DERL2: variants seen among roughly 807,000 people sequenced by gnomAD.
The protein encoded by DERL2 is derlin-2.
In DERL2, 13 loss-of-function variants were observed where a neutral mutation model predicts 32.0. That is an observed-to-expected ratio of 0.41 (90% CI 0.26 to 0.65). The LOEUF is 0.65. Among genes scored for constraint, DERL2 ranks in the 30% least tolerant of loss-of-function variants. DERL2 has a pLI of 0.35. For missense variants in DERL2, 208 were observed against 296.3 expected, an observed-to-expected ratio of 0.70 and a Z score of 2.19; for synonymous variants, 111 against 104.7, an observed-to-expected ratio of 1.06 and a Z score of -0.37.
chr17:5,480,778 C>T (rs201496202), intron 4 of DERL2, 196 bp from the exon 5 acceptor site: 9 of 470,062 alleles, frequency 1.9e-5, no homozygotes, highest in South Asian at 5.9e-5. Context: ...GCTAAATTAT[C>T]GAGATTTACA....
intron 6 of DERL2, among the ~76,000 whole-genome samples, chr17:5,476,584 C>T (rs1008462300): frequency 4.6e-5 from 7 of 152,062 alleles, no homozygotes; most frequent in African/African-American, 1.7e-4. Flanking sequence ...GAGTTCAAGA[C>T]CAGCCTGACC....
At chr17:5,484,169 GCA>G (rs1328688241) in intron 2 of DERL2, among the ~76,000 whole-genome samples, 1 of 152,210 alleles carries the variant, frequency 6.6e-6, no homozygotes, top group Non-Finnish European at 1.5e-5. Flanking sequence ...ATGTGTAGAG[GCA>G]CAGTTATTGG....
intron 5 of DERL2, 87 bp downstream of exon 5, chr17:5,480,300 T>G: frequency 7.2e-7 from 1 of 1,392,430 alleles, no homozygotes; most frequent in South Asian, 1.3e-5. Flanking sequence ...AGGTAATACG[T>G]GAAGGCCAAA....
At chr17:5,479,850 T>C (rs1181578847) in intron 6 of DERL2, among the ~76,000 whole-genome samples, 1 of 152,200 alleles carries the variant, frequency 6.6e-6, no homozygotes, top group African/African-American at 2.4e-5. Context: ...CTTGAGCCTG[T>C]TGACGTTGGT....
intron 6 of DERL2, among the ~76,000 whole-genome samples, chr17:5,477,542 A>G (rs1321044679): frequency 6.6e-6 from 1 of 152,234 alleles, no homozygotes; most frequent in Non-Finnish European, 1.5e-5. Context: ...CAAGGAATTA[A>G]GTATACATAT....
At position 5,481,508 on chromosome 17, in the gene DERL2, G is replaced by A. The variant is rs1054392840; in HGVS notation, c.234-119C>T. 4.2e-6 allele frequency: 3 copies of A among 709,564 alleles called. No homozygotes were observed. The highest frequency in any genetic ancestry group is 7.2e-6 in the Non-Finnish European group (3 of 416,752). The allele number at this position is 709,564 out of a possible 1,614,324, so 44.0% of individuals were successfully genotyped here. Reference sequence around the variant, plus strand: ...TTTGTAATTAGTCAAGTCTTCATTTGTATAAGAATGTTTGAGTGGTAATGT... The same window carrying A: ...TTTGTAATTAGTCAAGTCTTCATTTATATAAGAATGTTTGAGTGGTAATGT... On this transcript the variant is annotated intron_variant, in intron 3 of 6. Transcript: ENST00000158771. This position sits in a 1 kb window ranked among gnomAD's most constrained non-coding sequence, Gnocchi z 4.4.
chr17:5,483,277 T>C (rs1239801099), intron 2 of DERL2, among the ~76,000 whole-genome samples: 1 of 151,528 alleles, frequency 6.6e-6, no homozygotes. Context: ...TATAAATTGC[T>C]GAGAAATGTT....
intron 6 of DERL2, among the ~76,000 whole-genome samples, chr17:5,479,496 TAAAAAAAAAAAAA>T (rs11306765): frequency 1.2e-3 from 80 of 69,424 alleles, no homozygotes; most frequent in Middle Eastern, 9.6e-3. Flanking sequence ...AGACTCCATG[TAAAAAAAAAAAAA>T]AAAAAAAAAA....
In DERL2 at chr17:5,481,815, A is replaced by G. The variant is rs1905806150; in HGVS notation, c.234-426T>C. On this transcript the variant is annotated intron_variant, in intron 3 of 6. Coordinates refer to ENST00000158771, the MANE Select transcript of DERL2 (RefSeq NM_016041.5). The surrounding 1 kb of genome is among the most constrained non-coding windows in gnomAD (Gnocchi z 4.4). The stretch of plus-strand genomic sequence containing the variant: ...CAGTTGTGTGCCACCATGCCAGGCT[A>G]TTTTTTGTATTTTTAGTAGAGAGCA... Among the ~76,000 whole-genome samples, 1 of 146,368 alleles carries G rather than the reference A, an allele frequency of 6.8e-6. No homozygotes were observed. Among genetic ancestry groups the G allele is most frequent in the Non-Finnish European group, 1.6e-5 (1 of 64,328 alleles).
chr17:5,484,830 C>G (rs1008535500), intron 2 of DERL2, among the ~76,000 whole-genome samples: 1 of 152,210 alleles, frequency 6.6e-6, no homozygotes, highest in South Asian at 2.1e-4. Context: ...TAAGTCTAAA[C>G]CAGTGATTTC....
At chr17:5,483,386 G>T (rs1221458175) in intron 2 of DERL2, among the ~76,000 whole-genome samples, 1 of 148,354 alleles carries the variant, frequency 6.7e-6, no homozygotes, top group East Asian at 2.0e-4. Flanking sequence ...TCACTATGTT[G>T]TCCAGGCTGA....
chr17:5,480,209 C>A (rs1306948265), intron 5 of DERL2, 65 bp from the exon 6 acceptor site: 15 of 1,266,364 alleles, frequency 1.2e-5, no homozygotes, highest in South Asian at 4.0e-5. Flanking sequence ...GTAGACCTAC[C>A]AACACAAATT....
At chr17:5,475,345 C>T (rs1019816450) in intron 6 of DERL2, among the ~76,000 whole-genome samples, 5 of 151,652 alleles carry the variant, frequency 3.3e-5, no homozygotes, top group Admixed American at 1.3e-4. Flanking sequence ...CTGCAACCTC[C>T]GCCTCCCGGA....
Position 5,486,131 on chromosome 17 carries a change from G to T in DERL2, c.31C>A (p.Leu11Met). Residue 11 changes from leucine (L) to methionine (M), a missense_variant, in exon 1 of 7, where the codon CTG becomes ATG. Leu to Met is a conservative substitution (Grantham distance 15). Around this residue, in one of 3 missense-constraint regions of DERL2, gnomAD observed 44 missense variants for 42.3 expected, o/e 1.04. Coordinates refer to ENST00000158771, the MANE Select transcript of DERL2 (RefSeq NM_016041.5). ...GCGCGGCTGACCGGTGGGATCTGCA[G>T]GTACTCCAGCCGCAAGCTCTGGTAC... is the stretch of plus-strand genomic sequence containing the variant. MAYQSLRLEY[L>M]QIPPVSRAYT... The T allele has an allele frequency of 6.2e-7, 1 of 1,610,340 alleles. No individual in the cohort carries two copies. The highest frequency in any genetic ancestry group is 8.5e-7 in the Non-Finnish European group (1 of 1,178,514).
At chr17:5,480,893 C>CT (rs1189588533) in intron 4 of DERL2, 3 of 480,300 alleles carry the variant, frequency 6.2e-6, no homozygotes, top group Non-Finnish European at 1.1e-5. Context: ...CGATTAGCAC[C>CT]TTTACAGAGA....
chr17:5,478,862 C>G (rs943500156), intron 6 of DERL2, among the ~76,000 whole-genome samples: 1 of 152,224 alleles, frequency 6.6e-6, no homozygotes, highest in Non-Finnish European at 1.5e-5. Flanking sequence ...CTCTGTCCCC[C>G]AGCCCGAAGT....
chr17:5,480,342 C>T (rs773118210), intron 5 of DERL2, 45 bp downstream of exon 5: 2 of 1,554,210 alleles, frequency 1.3e-6, no homozygotes, highest in Non-Finnish European at 1.7e-6. Context: ...TAACAAAATA[C>T]TTTTACAGGT....
intron 1 of DERL2, 147 bp from the exon 2 acceptor site, chr17:5,485,363 G>C (rs905485310): frequency 6.1e-5 from 33 of 541,500 alleles, no homozygotes; most frequent in South Asian, 1.4e-4. Flanking sequence ...CAGAGGAAGA[G>C]GTTGGTAAAG....
At chr17:5,486,244 A>G, upstream of DERL2, 1 of 1,129,854 alleles carries the variant, frequency 8.9e-7, no homozygotes, top group Non-Finnish European at 1.2e-6. Flanking sequence ...GCGGGCCCAA[A>G]GGCCCCCCGC....
Sources: gnomAD v4.1 joint callset for allele counts (sites outside exome capture counted in the v4.1 genomes callset) on GRCh38, gnomAD v4.1.1 for gene constraint, gnomAD v4.1.1 regional missense constraint, Gnocchi (gnomAD v3.1) non-coding constraint, MANE v1.5 for transcripts, NCBI Gene and HGNC (gene_info 2026-07-23, HGNC 2026-07-21) for gene names.